Variants in GRK7 observed in about 807,000 individuals in gnomAD.
The protein encoded by GRK7 is rhodopsin kinase GRK7.
Under a neutral mutation model 34.1 loss-of-function variants are expected in GRK7, and 24 were observed. The observed-to-expected ratio is 0.70, with a 90% CI of 0.51 to 0.99. The LOEUF (loss-of-function observed/expected upper bound fraction) is 0.99. Among genes scored for constraint, GRK7 ranks in the 50% least tolerant of loss-of-function variants. The pLI is 0.00. For missense variants in GRK7, 644 were observed against 707.3 expected (o/e 0.91, Z 1.02); for synonymous variants, 256 against 279.4 (o/e 0.92, Z 0.84).
At chr3:141,753,644 C>T in the GRK7 span, among the ~76,000 whole-genome samples, 1 of 152,200 alleles carries the variant, frequency 6.6e-6, no homozygotes, top group Non-Finnish European at 1.5e-5. Flanking sequence ...CAGCCCAGTT[C>T]CTAACAGGCC....
chr3:141,762,613 C>T (rs530805288), upstream of GRK7, among the ~76,000 whole-genome samples: 236 of 152,028 alleles, frequency 1.6e-3, no homozygotes, highest in African/African-American at 5.5e-3. Flanking sequence ...CGGAGGCAGG[C>T]AGGCCTCCTT....
At chr3:141,809,911 G>A (rs912692514) in intron 5 of GRK7, among the ~76,000 whole-genome samples, 36 of 152,088 alleles carry the variant, frequency 2.4e-4, no homozygotes, top group African/African-American at 7.2e-4. Flanking sequence ...ATAAAAAGGC[G>A]GGGGTTGTGG....
intron 5 of GRK7, 61 bp downstream of exon 5, chr3:141,807,980 A>G: frequency 7.0e-7 from 1 of 1,424,004 alleles, no homozygotes; most frequent in Admixed American, 2.3e-5. Context: ...GGATTAGGAG[A>G]ATACTTTTGA....
the GRK7 span, among the ~76,000 whole-genome samples, chr3:141,752,643 G>T: frequency 6.6e-6 from 1 of 152,152 alleles, no homozygotes; most frequent in Non-Finnish European, 1.5e-5. Flanking sequence ...AGAGCTTTAT[G>T]TATATTAACT....
At chr3:141,789,898 G>A (rs183055292) in intron 4 of GRK7, among the ~76,000 whole-genome samples, 7 of 152,314 alleles carry the variant, frequency 4.6e-5, no homozygotes, top group Non-Finnish European at 8.8e-5. Context: ...CAAAGTCACA[G>A]TACTAGTATG....
At chr3:141,752,077 T>C in the GRK7 span, among the ~76,000 whole-genome samples, 1 of 152,200 alleles carries the variant, frequency 6.6e-6, no homozygotes, top group Admixed American at 6.5e-5. Context: ...TGTTTTTAAA[T>C]CTTTAGCTGC....
intron 4 of GRK7, among the ~76,000 whole-genome samples, chr3:141,804,613 A>T (rs1221065172): frequency 6.6e-6 from 1 of 151,592 alleles, no homozygotes; most frequent in East Asian, 1.9e-4. Flanking sequence ...ACACGCATAC[A>T]CACGCTCATA....
intron 4 of GRK7, 97 bp downstream of exon 4, chr3:141,780,908 A>C: frequency 2.6e-6 from 3 of 1,152,116 alleles, no homozygotes; most frequent in Non-Finnish European, 3.6e-6. Flanking sequence ...CCTTGGACTT[A>C]ATTCTTTTGG....
intron 1 of GRK7, among the ~76,000 whole-genome samples, chr3:141,767,599 C>T (rs1176254654): frequency 6.6e-6 from 1 of 152,030 alleles, no homozygotes; most frequent in African/African-American, 2.4e-5. Context: ...CGGGGTTTTG[C>T]TGTGTTGCCC....
intron 4 of GRK7, among the ~76,000 whole-genome samples, chr3:141,784,870 T>C (rs1351794923): frequency 1.3e-5 from 2 of 152,122 alleles, no homozygotes; most frequent in Admixed American, 6.6e-5. Context: ...AATGGATTAA[T>C]GGGTTATCAC....
the GRK7 span, among the ~76,000 whole-genome samples, chr3:141,756,389 T>C: frequency 6.6e-6 from 1 of 152,060 alleles, no homozygotes; most frequent in South Asian, 2.1e-4. Flanking sequence ...AATCTTTAGA[T>C]TATGTTGAGC....
intron 4 of GRK7, among the ~76,000 whole-genome samples, chr3:141,801,310 CAAAAAAAAAA>C (rs55657739): frequency 8.6e-5 from 6 of 70,012 alleles, no homozygotes; most frequent in African/African-American, 3.5e-4. Flanking sequence ...GACTCCGTCT[CAAAAAAAAAA>C]AAAAAAAAAA....
At position 141,805,061 on chromosome 3, in the gene GRK7, CACA is replaced by C. The variant is rs1254377843; in HGVS notation, c.1051-2583_1051-2581del. Among the ~76,000 whole-genome samples, 18 of 8,338 alleles carry C rather than the reference CACA, an allele frequency of 2.2e-3. No homozygotes were observed. The African/African-American group carries it at 0.068, about 32-fold the overall frequency. The allele number at this position is 8,338 out of a possible 152,430, so 5.5% of individuals were successfully genotyped here. On this transcript the variant is annotated intron_variant, in intron 4 of 5. Transcript: ENST00000682958. ...CCACTCACACACACTCATATGCCCACACACACACACACACACGCACATACACTC... is the reference window on the plus strand; with the variant it reads ...CCACTCACACACACTCATATGCCCACCACACACACACACGCACATACACTC...
At position 141,765,190 on chromosome 3, in the gene GRK7, C is replaced by T. The variant is rs570837038; in HGVS notation, c.-763C>T. Among the ~76,000 whole-genome samples, 1 of 152,308 alleles carries T rather than the reference C, an allele frequency of 6.6e-6. No individual in the cohort carries two copies. Among genetic ancestry groups the T allele is most frequent in the East Asian group, 1.9e-4 (1 of 5,186 alleles). ...GCTGCGGGCCCCTCACTCTGGGCCACCCACACTGACTTTCTTGCTGTTTCT... is the reference window on the plus strand; with the variant it reads ...GCTGCGGGCCCCTCACTCTGGGCCATCCACACTGACTTTCTTGCTGTTTCT... On this transcript the variant is annotated 5_prime_UTR_variant, in exon 1 of 6. Transcript: ENST00000682958.
At chr3:141,750,846 T>C in the GRK7 span, among the ~76,000 whole-genome samples, 1 of 151,048 alleles carries the variant, frequency 6.6e-6, no homozygotes, top group Admixed American at 6.6e-5. Context: ...AAGAAGTGTG[T>C]GTGTACCAAG....
chr3:141,784,571 C>T (rs747427732), intron 4 of GRK7, among the ~76,000 whole-genome samples: 1 of 152,180 alleles, frequency 6.6e-6, no homozygotes, highest in Non-Finnish European at 1.5e-5. Flanking sequence ...TTCATTGCAG[C>T]TCCCACACAT....
chr3:141,793,999 C>T (rs1481406166), intron 4 of GRK7, among the ~76,000 whole-genome samples: 2 of 152,118 alleles, frequency 1.3e-5, no homozygotes, highest in African/African-American at 4.8e-5. Flanking sequence ...AAGCATGTGC[C>T]TGACCCCAGC....
In GRK7 at chr3:141,764,945, C is replaced by T. The variant is rs2084573245; in HGVS notation, c.-1008C>T. Among the ~76,000 whole-genome samples, 1 of 152,152 alleles carries T rather than the reference C, an allele frequency of 6.6e-6. No homozygotes were observed. The highest frequency in any genetic ancestry group is 2.4e-5 in the African/African-American group (1 of 41,414). ...ATCCATCCATAAGCAAACTATCTTC[C>T]CCCTCCCCTGATTTCTCACCAGGGT... On this transcript the variant is annotated 5_prime_UTR_variant, in exon 1 of 6. Transcript: ENST00000682958.
chr3:141,787,879 A>G (rs533533925), intron 4 of GRK7, among the ~76,000 whole-genome samples: 7 of 151,076 alleles, frequency 4.6e-5, no homozygotes, highest in Non-Finnish European at 1.0e-4. Context: ...GCATGATGGT[A>G]TGCACCTGTA....
Sources: allele counts gnomAD v4.1 joint callset (sites outside exome capture counted in the v4.1 genomes callset), GRCh38; gene constraint gnomAD v4.1.1; transcripts MANE v1.5; gene names NCBI Gene and HGNC (gene_info 2026-07-23, HGNC 2026-07-21).